MAGI1: variants seen among roughly 807,000 people sequenced by gnomAD.
MAGI1 encodes membrane-associated guanylate kinase, WW and PDZ domain-containing protein 1.
In MAGI1, 58 loss-of-function variants were observed where a neutral mutation model predicts 139.9. That is an observed-to-expected ratio of 0.41 (90% CI 0.34 to 0.52). The LOEUF (loss-of-function observed/expected upper bound fraction) is 0.52, where lower values mean the gene tolerates loss of function less well. Among genes scored for constraint, MAGI1 ranks in the 20% least tolerant of loss-of-function variants. MAGI1 has a pLI of 0.12. For synonymous variants in MAGI1, 812 were observed against 737.9 expected, an observed-to-expected ratio of 1.10 and a Z score of -1.63; for missense variants, 1,874 against 1,901.6, an observed-to-expected ratio of 0.99 and a Z score of 0.27.
chr3:66,037,850 T>A, intron 1 of MAGI1, 146 bp downstream of exon 1: 3 of 1,387,070 alleles, frequency 2.2e-6, no homozygotes, highest in East Asian at 2.4e-5. Context: ...AACAACTTTG[T>A]GTATTTCACC....
intron 1 of MAGI1, among the ~76,000 whole-genome samples, chr3:65,821,880 T>C (rs533513184): frequency 6.6e-6 from 1 of 152,350 alleles, no homozygotes; most frequent in Admixed American, 6.5e-5. Flanking sequence ...CAAGGCATGA[T>C]GGCTTAGACA....
At chr3:66,002,194 C>A (rs188234204) in intron 1 of MAGI1, among the ~76,000 whole-genome samples, 1 of 152,102 alleles carries the variant, frequency 6.6e-6, no homozygotes. Context: ...ATTTTAAATT[C>A]GCATTTTCAG....
At chr3:65,773,844 G>A (rs189769395) in intron 1 of MAGI1, among the ~76,000 whole-genome samples, 299 of 151,914 alleles carry the variant, frequency 2.0e-3, no homozygotes, top group African/African-American at 6.8e-3. Flanking sequence ...TTTTTAATTC[G>A]ATATAAAGAT....
intron 1 of MAGI1, among the ~76,000 whole-genome samples, chr3:65,681,876 A>G (rs1248188416): frequency 6.6e-6 from 1 of 152,046 alleles, no homozygotes; most frequent in Non-Finnish European, 1.5e-5. Flanking sequence ...TTGTTTTTTT[A>G]TTAATTAAAA....
At chr3:65,917,818 G>A (rs1398551041) in intron 1 of MAGI1, among the ~76,000 whole-genome samples, 1 of 152,192 alleles carries the variant, frequency 6.6e-6, no homozygotes, top group Non-Finnish European at 1.5e-5. Context: ...TTTTTAGGCG[G>A]TGAAACTAGT....
At chr3:65,977,586 C>G (rs2065330633) in intron 1 of MAGI1, among the ~76,000 whole-genome samples, 1 of 152,044 alleles carries the variant, frequency 6.6e-6, no homozygotes, top group African/African-American at 2.4e-5. Flanking sequence ...TGGCACACAC[C>G]TGTAGTCCCA....
chr3:65,801,542 T>A lies in MAGI1; in HGVS notation c.314-179454A>T, dbSNP rs1202174030. Among the ~76,000 whole-genome samples, 3 of 152,140 alleles carry A rather than the reference T, an allele frequency of 2.0e-5. No homozygotes were observed. In the South Asian group the frequency reaches 6.2e-4, roughly 32 times the overall value. ...TTGGCTGGAAAAAAGCTCTCCATTA[T>A]CAAGATCTGAGGAAGACCTCTGCAA... On this transcript the variant is annotated intron_variant, in intron 1 of 22. Coordinates refer to ENST00000402939, the MANE Select transcript of MAGI1 (RefSeq NM_001033057.2).
intron 2 of MAGI1, among the ~76,000 whole-genome samples, chr3:65,558,235 T>C (rs1324861203): frequency 6.6e-6 from 1 of 152,220 alleles, no homozygotes; most frequent in Non-Finnish European, 1.5e-5. Flanking sequence ...AACGTTTCCA[T>C]TTTTAATTGG....
chr3:65,707,030 G>A (rs980491139), intron 1 of MAGI1, among the ~76,000 whole-genome samples: 5 of 152,162 alleles, frequency 3.3e-5, no homozygotes, highest in African/African-American at 1.2e-4. Context: ...ATGGCAGTCG[G>A]ATAAACTAAA....
At chr3:65,834,803 G>A (rs2042719046) in intron 1 of MAGI1, among the ~76,000 whole-genome samples, 1 of 152,192 alleles carries the variant, frequency 6.6e-6, no homozygotes, top group Non-Finnish European at 1.5e-5. Flanking sequence ...CGACATGGTG[G>A]AATGACCCTT....
chr3:65,832,806 T>G (rs561308713), intron 1 of MAGI1, among the ~76,000 whole-genome samples: 30 of 152,304 alleles, frequency 2.0e-4, no homozygotes, highest in African/African-American at 6.7e-4. Flanking sequence ...CTATCCACTT[T>G]GATGAAAATA....
chr3:65,421,746 C>T (rs971091875), intron 12 of MAGI1, among the ~76,000 whole-genome samples: 1 of 152,080 alleles, frequency 6.6e-6, no homozygotes, highest in Non-Finnish European at 1.5e-5. Flanking sequence ...TCCTGTAACC[C>T]GCTTATAAAC....
At chr3:65,726,900 T>A (rs1006604252) in intron 1 of MAGI1, among the ~76,000 whole-genome samples, 2 of 136,444 alleles carry the variant, frequency 1.5e-5, no homozygotes, top group South Asian at 2.3e-4. Flanking sequence ...GGGAGATGGA[T>A]AAACAGGTTG....
chr3:65,802,654 A>G (rs2040585928), intron 1 of MAGI1, among the ~76,000 whole-genome samples: 1 of 152,126 alleles, frequency 6.6e-6, no homozygotes, highest in Non-Finnish European at 1.5e-5. Flanking sequence ...TCTTTTGTTC[A>G]TTCCTGTAAC....
chr3:65,838,682 T>C (rs545385174), intron 1 of MAGI1, among the ~76,000 whole-genome samples: 1 of 152,368 alleles, frequency 6.6e-6, no homozygotes, highest in Non-Finnish European at 1.5e-5. Context: ...AAAGCTGCTA[T>C]GGACAATCAT....
At chr3:65,581,477 ATCT>A (rs1181944382) in intron 2 of MAGI1, among the ~76,000 whole-genome samples, 1 of 152,070 alleles carries the variant, frequency 6.6e-6, no homozygotes, top group African/African-American at 2.4e-5. Flanking sequence ...CTTTAACTTC[ATCT>A]TCTAGTACTT....
At chr3:65,819,275 A>C (rs2041798118) in intron 1 of MAGI1, among the ~76,000 whole-genome samples, 1 of 152,114 alleles carries the variant, frequency 6.6e-6, no homozygotes, top group African/African-American at 2.4e-5. Flanking sequence ...GAGTGAATGA[A>C]ATTCCATCTC....
chr3:65,817,484 A>T (rs2041676394), intron 1 of MAGI1, among the ~76,000 whole-genome samples: 1 of 152,212 alleles, frequency 6.6e-6, no homozygotes, highest in Admixed American at 6.5e-5. Context: ...ACCAATCTAC[A>T]TGAAAACAAG....
chr3:65,917,012 T>C (rs997612294), intron 1 of MAGI1, among the ~76,000 whole-genome samples: 4 of 152,362 alleles, frequency 2.6e-5, no homozygotes, highest in Middle Eastern at 3.4e-3. Context: ...TGTTTTCTTA[T>C]ATTTTAAATT....
Sources: gnomAD v4.1 joint callset for allele counts (sites outside exome capture counted in the v4.1 genomes callset) on GRCh38, gnomAD v4.1.1 for gene constraint, MANE v1.5 for transcripts, NCBI Gene and HGNC (gene_info 2026-07-23, HGNC 2026-07-21) for gene names.